Variants in SLC6A8 observed in about 807,000 individuals in gnomAD.
The protein encoded by SLC6A8 is sodium- and chloride-dependent creatine transporter 1.
In SLC6A8, 6 loss-of-function variants were observed where a neutral mutation model predicts 48.3. That is an observed-to-expected ratio of 0.12 (90% confidence interval 0.07 to 0.25). SLC6A8 has a LOEUF of 0.25. Among genes scored for constraint, SLC6A8 ranks in the 10% least tolerant of loss-of-function variants. The pLI is 1.00. For missense variants in SLC6A8, 260 were observed against 551.5 expected, an observed-to-expected ratio of 0.47 and a Z score of 5.29; for synonymous variants, 245 against 244.0, an observed-to-expected ratio of 1.00 and a Z score of -0.04.
At chrX:153,692,300 G>A (rs1283634026) in intron 4 of SLC6A8, 193 bp downstream of exon 4, 7 of 495,543 alleles carry the variant, frequency 1.4e-5, no homozygotes, top group Non-Finnish European at 2.6e-5. Context: ...GGGGATAGAG[G>A]CCCTGGCAGG....
chrX:153,696,516 G>A lies in SLC6A8; in HGVS notation c.*1302G>A, dbSNP rs782323947. 6.7e-4 allele frequency: 218 copies of A among 327,210 alleles called. No homozygotes were observed. The highest frequency in any genetic ancestry group is 2.2e-3 in the African/African-American group (84 of 37,897). 27.0% of individuals were successfully genotyped at this position (327,210 alleles called of 1,213,427 possible). ...AGGGCTGGGGCTGGGTGAGGGTGGC[G>A]GGCCTGCGGGGACATTCTACTGTGC... On this transcript the variant is annotated 3_prime_UTR_variant, in exon 13 of 13. Coordinates refer to ENST00000253122, the MANE Select transcript of SLC6A8 (RefSeq NM_005629.4).
At position 153,693,457 on chromosome X, in the gene SLC6A8, C is replaced by T. The variant is rs782402297; in HGVS notation, c.1017-5C>T. 5.8e-6 allele frequency: 7 copies of T among 1,211,327 alleles called. No homozygotes were observed. In the East Asian group the frequency reaches 2.1e-4, roughly 36 times the overall value. ...CCCATCCACTCTGGCCCCTCCACCC[C>T]TCAGGGACGCCATCATCCTGGCTCT... On this transcript the variant is annotated splice_region_variant and splice_polypyrimidine_tract_variant and intron_variant, in intron 6 of 12. Transcript: ENST00000253122.
rs1239466041 is a variant in SLC6A8, at chrX:153,694,379, C to T, written c.1428C>T (p.Tyr476=). The change falls in exon 10 of 13, where the codon TAC becomes TAT. Residue 476 remains tyrosine, a synonymous_variant. Coordinates refer to ENST00000253122, the MANE Select transcript of SLC6A8 (RefSeq NM_005629.4). The part of the protein sequence containing the change: ...GMYVFQLFDY[Y]SASGTTLLWQ... ...ACGTCTTCCAGCTGTTTGACTACTACTCGGCCAGCGGCACCACCCTGCTCT... is the reference window on the plus strand; with the variant it reads ...ACGTCTTCCAGCTGTTTGACTACTATTCGGCCAGCGGCACCACCCTGCTCT... The T allele has an allele frequency of 3.3e-6, 4 of 1,211,087 alleles. No individual in the cohort carries two copies. The highest frequency in any genetic ancestry group is 4.5e-6 in the Non-Finnish European group (4 of 895,057).
chrX:153,695,176 G>A lies in SLC6A8; in HGVS notation c.1870G>A (p.Glu624Lys), dbSNP rs368555229. 20 of 1,191,883 alleles carry A rather than the reference G, an allele frequency of 1.7e-5. No homozygotes were observed. Among genetic ancestry groups the A allele is most frequent in the Admixed American group, 6.8e-5 (3 of 43,935 alleles). Reference sequence around the variant, plus strand: ...CCTGACCACCCTGACCCCAGTGTCCGAGAGCAGCAAGGTCGTCGTGGTGGA... The same window carrying A: ...CCTGACCACCCTGACCCCAGTGTCCAAGAGCAGCAAGGTCGTCGTGGTGGA... ...RGLTTLTPVS[E>K]SSKVVVVESV... Residue 624 changes from glutamate to lysine, a missense_variant, in exon 13 of 13, where the codon GAG becomes AAG. By Grantham distance (56) the Glu-to-Lys change is moderately conservative. Transcript: ENST00000253122.
chrX:153,688,815 CT>C lies in SLC6A8; in HGVS notation c.242del (p.Leu81ArgfsTer16). On this transcript the variant is annotated frameshift_variant, in exon 1 of 13. Transcript: ENST00000253122. LOFTEE classifies it high-confidence loss of function. ...GGGCAACGTGTGGCGCTTCCCCTAC[CT>C]GTGCTACAAGAACGGCGGAGGTGAG... ...GLGNVWRFPY[L>X]CYKNGGGVFL... The C allele has an allele frequency of 8.8e-7, 1 of 1,135,200 alleles. No individual in the cohort carries two copies. The highest frequency in any genetic ancestry group is 3.7e-5 in the East Asian group (1 of 27,007). 93.6% of individuals were successfully genotyped at this position (1,135,200 alleles called of 1,213,427 possible).
chrX:153,690,904 C>CG (rs1491523891), intron 2 of SLC6A8: 2 of 213,696 alleles, frequency 9.4e-6, no homozygotes, highest in South Asian at 5.2e-5. Flanking sequence ...CCCCCCCCCC[C>CG]ACCACCACCA....
At chrX:153,693,432 C>T (rs1557045115) in intron 6 of SLC6A8, 30 bp from the exon 7 acceptor site, 2 of 1,210,881 alleles carry the variant, frequency 1.7e-6, no homozygotes, top group Admixed American at 2.2e-5. Flanking sequence ...AGCAGCCTAA[C>T]CCATCCACTC....
At chrX:153,693,434 CA>C in intron 6 of SLC6A8, 27 bp from the exon 7 acceptor site, 1 of 1,210,968 alleles carries the variant, frequency 8.3e-7, no homozygotes, top group Non-Finnish European at 1.1e-6. Context: ...CAGCCTAACC[CA>C]TCCACTCTGG....
At position 153,693,250 on chromosome X, in the gene SLC6A8, G is replaced by T. The variant is rs1176497805; in HGVS notation, c.913-13G>T. Reference sequence around the variant, plus strand: ...CAGGCCCCTCATGCCTGCGCTCTCCGGCCCTTCTCTAGGTGTGGATAGATG... The same window carrying T: ...CAGGCCCCTCATGCCTGCGCTCTCCTGCCCTTCTCTAGGTGTGGATAGATG... On this transcript the variant is annotated splice_polypyrimidine_tract_variant and intron_variant, in intron 5 of 12. Coordinates refer to ENST00000253122, the MANE Select transcript of SLC6A8 (RefSeq NM_005629.4). 2.1e-5 allele frequency: 25 copies of T among 1,208,627 alleles called. No homozygotes were observed. Among genetic ancestry groups the T allele is most frequent in the Non-Finnish European group, 2.8e-5 (25 of 893,532 alleles).
At chrX:153,694,108 G>C in intron 8 of SLC6A8, 22 bp from the exon 9 acceptor site, 6 of 1,209,670 alleles carry the variant, frequency 5.0e-6, no homozygotes, top group Non-Finnish European at 6.7e-6. Flanking sequence ...GCGGGGCTCG[G>C]CCTGAGCTGC....
At chrX:153,694,987 C>T in intron 12 of SLC6A8, 87 bp from the exon 13 acceptor site, 1 of 1,108,564 alleles carries the variant, frequency 9.0e-7, no homozygotes, top group African/African-American at 1.9e-5. Flanking sequence ...GGGTGGCAGG[C>T]AGTGGGAACC....
chrX:153,692,768 T>C (rs5987131), intron 4 of SLC6A8: 7,614 of 447,529 alleles, frequency 0.017, 386 homozygotes, highest in African/African-American at 0.16. Context: ...CCACGCCTCC[T>C]GTCCCCACTG....
chrX:153,692,380 C>T (rs2091460875), intron 4 of SLC6A8: 1 of 413,892 alleles, frequency 2.4e-6, no homozygotes. Flanking sequence ...TTGTGACAGT[C>T]TGGTGGACCT....
At chrX:153,694,106 C>G (rs782772163) in intron 8 of SLC6A8, 24 bp from the exon 9 acceptor site, 9 of 1,206,940 alleles carry the variant, frequency 7.5e-6, no homozygotes, top group African/African-American at 1.8e-5. Flanking sequence ...GTGCGGGGCT[C>G]GGCCTGAGCT....
At chrX:153,690,767 G>C in intron 2 of SLC6A8, 2 of 378,346 alleles carry the variant, frequency 5.3e-6, no homozygotes, top group South Asian at 6.7e-5. Flanking sequence ...CAGCACCCTT[G>C]GCTCTCTAGG....
At position 153,693,086 on chromosome X, in the gene SLC6A8, C is replaced by T. The variant is rs1557044951; in HGVS notation, c.823C>T (p.Leu275=). The T allele has an allele frequency of 1.6e-5, 19 of 1,210,765 alleles. No individual in the cohort carries two copies. The highest frequency in any genetic ancestry group is 2.2e-5 in the Admixed American group (1 of 46,108). The change falls in exon 5 of 13, where the codon CTG becomes TTG. Residue 275 remains leucine, a synonymous_variant. Coordinates refer to ENST00000253122, the MANE Select transcript of SLC6A8 (RefSeq NM_005629.4). ...ATTCCCCTACGTGGTCCTGGTCGTGCTGCTGGTGCGTGGAGTGCTGCTGCC... is the reference window on the plus strand; with the variant it reads ...ATTCCCCTACGTGGTCCTGGTCGTGTTGCTGGTGCGTGGAGTGCTGCTGCC... ...ATFPYVVLVV[L]LVRGVLLPGA...
Position 153,696,446 on chromosome X carries a change from G to A in SLC6A8, c.*1232G>A, listed in dbSNP as rs1712615022. The A allele has an allele frequency of 5.4e-5, 18 of 330,506 alleles. No homozygotes were observed. The highest frequency in any genetic ancestry group is 4.2e-4 in the South Asian group (16 of 38,453). The allele number at this position is 330,506 out of a possible 1,213,427, so 27.2% of individuals were successfully genotyped here. On this transcript the variant is annotated 3_prime_UTR_variant, in exon 13 of 13. Coordinates refer to ENST00000253122, the MANE Select transcript of SLC6A8 (RefSeq NM_005629.4). ...TGTCACGTCCAGTCCCGAGACGGCT[G>A]AGTGACCCCAAGAAAGGCTTCCCCG...
At position 153,695,841 on chromosome X, in the gene SLC6A8, A is replaced by G. The variant is rs1396639952; in HGVS notation, c.*627A>G. On this transcript the variant is annotated 3_prime_UTR_variant, in exon 13 of 13. Coordinates refer to ENST00000253122, the MANE Select transcript of SLC6A8 (RefSeq NM_005629.4). ...CGAGTGCACGCGTGCGTGAGTACGGAGAGTATATATAGATCTCTATCTCTT... is the reference window on the plus strand; with the variant it reads ...CGAGTGCACGCGTGCGTGAGTACGGGGAGTATATATAGATCTCTATCTCTT... 17 of 135,176 alleles carry G rather than the reference A, an allele frequency of 1.3e-4. No homozygotes were observed. The highest frequency in any genetic ancestry group is 3.5e-4 in the African/African-American group (11 of 31,582). 11.1% of individuals were successfully genotyped at this position (135,176 alleles called of 1,213,427 possible).
In SLC6A8 at chrX:153,695,185, A is replaced by C. The variant is rs201637740; in HGVS notation, c.1879A>C (p.Lys627Gln). The change falls in exon 13 of 13, where the codon AAG becomes CAG. Residue 627 changes from lysine (K) to glutamine (Q), a missense_variant. This residue lies in a region of SLC6A8 where 87 missense variants were observed against 120.9 expected (regional missense o/e 0.72). Transcript: ENST00000253122. ...CCTGACCCCAGTGTCCGAGAGCAGC[A>C]AGGTCGTCGTGGTGGAGAGTGTCAT... is the stretch of plus-strand genomic sequence containing the variant. ...TTLTPVSESS[K>Q]VVVVESVM The C allele has an allele frequency of 6.4e-5, 76 of 1,188,651 alleles. No individual in the cohort carries two copies. The highest frequency in any genetic ancestry group is 3.2e-5 in the Non-Finnish European group (28 of 883,996).
Sources: gnomAD v4.1 joint callset for allele counts on GRCh38, gnomAD v4.1.1 for gene constraint, gnomAD v4.1.1 regional missense constraint, MANE v1.5 for transcripts, NCBI Gene and HGNC (gene_info 2026-07-23, HGNC 2026-07-21) for gene names.